NCOR2: variants seen among roughly 807,000 people sequenced by gnomAD.
The protein encoded by NCOR2 is nuclear receptor corepressor 2.
A neutral mutation model predicts 262.9 loss-of-function variants in NCOR2; 81 were observed. The observed-to-expected ratio is 0.31, with a 90% CI of 0.26 to 0.37. NCOR2 has a LOEUF of 0.37. NCOR2 is among the 10% of genes least tolerant of loss of function. The pLI is 1.00. For missense variants in NCOR2, 3,385 were observed against 3,621.4 expected, an observed-to-expected ratio of 0.93 and a Z score of 1.68; for synonymous variants, 1,659 against 1,559.3, an observed-to-expected ratio of 1.06 and a Z score of -1.51.
intron 7 of NCOR2, 47 bp downstream of exon 9, chr12:124,449,768 G>A (rs375242083): frequency 4.4e-5 from 71 of 1,603,738 alleles, no homozygotes; most frequent in Middle Eastern, 3.3e-4. Context: ...GAGCCTGCTC[G>A]CCCACCCTGC....
Position 124,483,596 on chromosome 12 carries a change from C to T in NCOR2, c.411G>A (p.Lys137=), listed in dbSNP as rs770296158. The T allele has an allele frequency of 3.8e-6, 6 of 1,592,514 alleles. No homozygotes were observed. In the South Asian group the frequency reaches 5.7e-5, roughly 15 times the overall value. The change falls in exon 3 of 47, where the codon AAG becomes AAA. Residue 137 remains lysine, a splice_region_variant and synonymous_variant. Coordinates refer to ENST00000405201, the Ensembl canonical transcript of NCOR2. The surrounding 1 kb of genome is among the most constrained non-coding windows in gnomAD (Gnocchi z 6.3). ...CTCCCAGCTGGGGGCCCAGGCTTAC[C>T]TTGGTGAGGTCTTCAGATCCCGCAG...
At chr12:124,467,738 A>AC (rs2046536268) in intron 4 of NCOR2, among the ~76,000 whole-genome samples, 11 of 97,864 alleles carry the variant, frequency 1.1e-4, no homozygotes, top group Non-Finnish European at 1.7e-4. Context: ...CATCCTCATC[A>AC]CCCCATCACC....
In NCOR2 at chr12:124,460,348, G is replaced by A. The variant is rs1167050606; in HGVS notation, c.706-3186C>T. On this transcript the variant is annotated intron_variant, in intron 5 of 46. Transcript: ENST00000405201. ...GCATTCTTGTACCTGCAGGCTGTCC[G>A]GTCCCAGCCCAGAACCCTGTCCTCT... Among the ~76,000 whole-genome samples, 5 of 152,306 alleles carry A rather than the reference G, an allele frequency of 3.3e-5. No homozygotes were observed. In the East Asian group the frequency reaches 7.7e-4, roughly 24 times the overall value.
intron 11 of NCOR2, among the ~76,000 whole-genome samples, chr12:124,422,869 TC>T (rs200097341): frequency 0.026 from 3,915 of 151,830 alleles, 111 homozygotes; most frequent in Admixed American, 0.087. Context: ...TTGGTGGGGT[TC>T]CCCCCCCTTT....
chr12:124,425,996 A>C (rs942876514), intron 11 of NCOR2, among the ~76,000 whole-genome samples: 1 of 152,244 alleles, frequency 6.6e-6, no homozygotes, highest in Non-Finnish European at 1.5e-5. Flanking sequence ...TGTCAAAGAC[A>C]AAACAAAATA....
At position 124,479,367 on chromosome 12, in the gene NCOR2, ACT is replaced by A. The variant is rs371508768; in HGVS notation, c.411+4227_411+4228del. Reference sequence around the variant, plus strand: ...ACATACACACGTGCAACACATGCACACTCACGCACACACACAAACACGCATGG... The same window carrying A: ...ACATACACACGTGCAACACATGCACACACGCACACACACAAACACGCATGG... On this transcript the variant is annotated intron_variant, in intron 3 of 46. Coordinates refer to ENST00000405201, the Ensembl canonical transcript of NCOR2. 2.7e-4 allele frequency among the ~76,000 whole-genome samples: 41 copies of A among 151,930 alleles called. No individual in the cohort carries two copies. The East Asian group carries it at 7.6e-3, about 28-fold the overall frequency.
At chr12:124,415,779 C>T (rs140420541) in intron 13 of NCOR2, among the ~76,000 whole-genome samples, 2 of 152,272 alleles carry the variant, frequency 1.3e-5, no homozygotes, top group African/African-American at 4.8e-5. Context: ...AGGACATCTC[C>T]GGTGTAAAGA....
At position 124,454,114 on chromosome 12, in the gene NCOR2, C is replaced by T. The variant is rs1316288037; in HGVS notation, c.762+2992G>A. Among the ~76,000 whole-genome samples, 2 of 152,146 alleles carry T rather than the reference C, an allele frequency of 1.3e-5. No homozygotes were observed. Among genetic ancestry groups the T allele is most frequent in the African/African-American group, 4.8e-5 (2 of 41,440 alleles). On this transcript the variant is annotated intron_variant, in intron 6 of 46. Coordinates refer to ENST00000405201, the Ensembl canonical transcript of NCOR2. The surrounding 1 kb of genome is among the most constrained non-coding windows in gnomAD (Gnocchi z 5.6). The stretch of plus-strand genomic sequence containing the variant: ...TGCTTGGAGGATGCCTGTGGCCACT[C>T]GGGCCTGGCAGATCTGTGCAGAACT...
chr12:124,417,739 A>C (rs571860530), intron 13 of NCOR2, among the ~76,000 whole-genome samples: 1 of 152,332 alleles, frequency 6.6e-6, no homozygotes, highest in East Asian at 1.9e-4. Flanking sequence ...CTCAGTCTAG[A>C]AAATTCCTGA....
intron 1 of NCOR2, among the ~76,000 whole-genome samples, chr12:124,519,751 G>A (rs575192881): frequency 2.6e-5 from 4 of 152,190 alleles, no homozygotes; most frequent in South Asian, 2.1e-4. Context: ...CCAGCAGCTC[G>A]GACTGTGTGC....
chr12:124,550,165 A>G (rs837486), intron 1 of NCOR2, among the ~76,000 whole-genome samples: 2 of 151,808 alleles, frequency 1.3e-5, no homozygotes. Flanking sequence ...GAGTGACCCA[A>G]CCCCCAAAAC....
intron 3 of NCOR2, among the ~76,000 whole-genome samples, chr12:124,480,746 C>T (rs531062120): frequency 6.8e-6 from 1 of 147,950 alleles, no homozygotes; most frequent in South Asian, 2.2e-4. Flanking sequence ...CGCCCTTGTC[C>T]GGCTGTGAGT....
At chr12:124,487,873 TAAAAA>T (rs3040836) in intron 1 of NCOR2, among the ~76,000 whole-genome samples, 5 of 137,654 alleles carry the variant, frequency 3.6e-5, no homozygotes, top group Non-Finnish European at 6.2e-5. Context: ...AAACTGTGTT[TAAAAA>T]AAAAAAAAAA....
At chr12:124,333,414 AC>A in intron 41 of NCOR2, 135 bp from the exon 44 acceptor site, 2 of 718,622 alleles carry the variant, frequency 2.8e-6, no homozygotes, top group Non-Finnish European at 4.0e-6. Context: ...GGCATTTTCG[AC>A]CACAAGTAAT....
At chr12:124,396,006 A>G (rs1315614747) in intron 16 of NCOR2, among the ~76,000 whole-genome samples, 1 of 152,210 alleles carries the variant, frequency 6.6e-6, no homozygotes, top group Admixed American at 6.5e-5. Flanking sequence ...GTGAGGGAAT[A>G]TTATTCAGCC....
At chr12:124,346,987 A>G (rs2036983742) in intron 30 of NCOR2, 137 bp from the exon 33 acceptor site, 3 of 1,056,346 alleles carry the variant, frequency 2.8e-6, no homozygotes, top group Non-Finnish European at 1.3e-6. Flanking sequence ...AGGAAATCTG[A>G]CCTCTCTGGG....
At chr12:124,453,019 A>G (rs1242145959) in intron 6 of NCOR2, among the ~76,000 whole-genome samples, 1 of 152,002 alleles carries the variant, frequency 6.6e-6, no homozygotes, top group African/African-American at 2.4e-5. Flanking sequence ...AATGCCGTGC[A>G]CCGCCATGGC....
intron 12 of NCOR2, among the ~76,000 whole-genome samples, chr12:124,420,922 C>T (rs997645441): frequency 8.5e-5 from 13 of 152,262 alleles, no homozygotes; most frequent in African/African-American, 2.4e-4. Flanking sequence ...CTGCCAAGTA[C>T]GACCGCCAGG....
At chr12:124,336,032 G>A (rs2035853107) in intron 38 of NCOR2, 1 of 199,194 alleles carries the variant, frequency 5.0e-6, no homozygotes, top group Non-Finnish European at 1.0e-5. Flanking sequence ...GGTCCCCGGG[G>A]CCCCGCCTGG....
Sources: gnomAD v4.1 joint callset for allele counts (sites outside exome capture counted in the v4.1 genomes callset) on GRCh38, gnomAD v4.1.1 for gene constraint, Gnocchi (gnomAD v3.1) non-coding constraint, MANE v1.5 for transcripts, NCBI Gene and HGNC (gene_info 2026-07-23, HGNC 2026-07-21) for gene names.